The following DHRS4L2 variants were observed in gnomAD, a reference collection of about 807,000 sequenced individuals.
The protein encoded by DHRS4L2 is dehydrogenase/reductase 4 like 2, also known as dehydrogenase/reductase SDR family member 4-like 2.
A neutral mutation model predicts 23.9 loss-of-function variants in DHRS4L2; 22 were observed. That is an observed-to-expected ratio of 0.92 (90% CI 0.66 to 1.31). DHRS4L2 has a LOEUF of 1.31. Among genes scored for constraint, DHRS4L2 ranks in the 40% most tolerant of loss-of-function variants. DHRS4L2 has a pLI of 0.00. For synonymous variants in DHRS4L2, 141 were observed against 123.7 expected, an observed-to-expected ratio of 1.14 and a Z score of -0.93; for missense variants, 385 against 303.3, an observed-to-expected ratio of 1.27 and a Z score of -2.00.
rs148909719 is a variant in DHRS4L2 at position 23,992,735 on chromosome 14, C to T, written c.307-2297C>T. ...GTGCCTCATTCTGTTGCCCAGGCTGCAGTGCAGTGACATGATCATAGCTCA... is the reference window on the plus strand; with the variant it reads ...GTGCCTCATTCTGTTGCCCAGGCTGTAGTGCAGTGACATGATCATAGCTCA... On this transcript the variant is annotated intron_variant, in intron 2 of 7. Transcript: ENST00000335125. 5.6e-3 allele frequency among the ~76,000 whole-genome samples: 847 copies of T among 150,848 alleles called. 20 individuals carry two copies. The highest frequency in any genetic ancestry group is 8.4e-3 in the Non-Finnish European group (571 of 67,776).
At chr14:23,982,964 G>A (rs1382607415) in intron 1 of DHRS4L2, among the ~76,000 whole-genome samples, 2 of 151,510 alleles carry the variant, frequency 1.3e-5, no homozygotes, top group East Asian at 1.9e-4. Context: ...TTCAGGACAC[G>A]GGTATGGGCA....
At chr14:23,983,892 G>A (rs1232139004), upstream of DHRS4L2, among the ~76,000 whole-genome samples, 1 of 151,498 alleles carries the variant, frequency 6.6e-6, no homozygotes, top group African/African-American at 2.4e-5. Context: ...GTTTATAGGG[G>A]GCTGGGGAAG....
In DHRS4L2 at chr14:24,005,968, G is replaced by A. The variant is rs2760086; in HGVS notation, c.*105G>A. 8.7e-6 allele frequency: 14 copies of A among 1,611,234 alleles called. No homozygotes were observed. Among genetic ancestry groups the A allele is most frequent in the African/African-American group, 4.0e-5 (3 of 74,264 alleles). ...CAGCTACATCACTGGGGAAACAGTG[G>A]TGGTGGGTGGAGGAACCCCGTCCCG... On this transcript the variant is annotated 3_prime_UTR_variant, in exon 8 of 8. Coordinates refer to ENST00000335125, the MANE Select transcript of DHRS4L2 (RefSeq NM_198083.4).
intron 3 of DHRS4L2, among the ~76,000 whole-genome samples, chr14:23,996,123 A>G (rs2138548811): frequency 6.6e-6 from 1 of 151,866 alleles, no homozygotes; most frequent in Admixed American, 6.5e-5. Context: ...TAGTTCTGGC[A>G]TGAAATAATA....
Position 23,972,931 on chromosome 14 carries a change from G to C in DHRS4L2, c.-176+2599G>C, listed in dbSNP as rs201271490. ...TTTATGTTTCTCTCCACCCAAACAT[G>C]TCGGTGGAGTAAAGAATAACAAGGC... On this transcript the variant is annotated intron_variant, in intron 1 of 5. Transcript: ENST00000534993. 4.8e-3 allele frequency among the ~76,000 whole-genome samples: 688 copies of C among 142,658 alleles called. 5 individuals carry two copies. Among genetic ancestry groups the C allele is most frequent in the African/African-American group, 7.7e-3 (295 of 38,080 alleles). The allele number at this position is 142,658 out of a possible 152,430, so 93.6% of individuals were successfully genotyped here.
intron 2 of DHRS4L2, among the ~76,000 whole-genome samples, chr14:23,994,674 C>A (rs1005519094): frequency 6.6e-6 from 1 of 151,636 alleles, no homozygotes; most frequent in African/African-American, 2.4e-5. Context: ...GATGACAGAG[C>A]AAGACTCCAT....
chr14:24,005,802 A>G (rs559920637), intron 7 of DHRS4L2, 84 bp from the exon 8 acceptor site: 448 of 1,562,478 alleles, frequency 2.9e-4, no homozygotes, highest in Non-Finnish European at 3.8e-4. Context: ...TTCTTGATTA[A>G]GCAAATTTAA....
In DHRS4L2 at chr14:23,990,426, C is replaced by G. The variant is rs979641087; in HGVS notation, c.306+67C>G. The G allele has an allele frequency of 1.5e-5, 23 of 1,526,266 alleles. No individual in the cohort carries two copies. In the African/African-American group the frequency reaches 2.9e-4, roughly 19 times the overall value. The allele number at this position is 1,526,266 out of a possible 1,614,324, so 94.5% of individuals were successfully genotyped here. A position where few individuals can be genotyped will look rare whatever the true frequency, so the allele number is the denominator to read the frequency against. On this transcript the variant is annotated intron_variant, in intron 2 of 7. Coordinates refer to ENST00000335125, the MANE Select transcript of DHRS4L2 (RefSeq NM_198083.4). ...AGGAAGCCAGCCTGAGCCTCCTTCC[C>G]TGCTTTCCTAGACAGCAGCACATTT...
chr14:23,976,168 G>GC (rs1309880618), intron 1 of DHRS4L2, among the ~76,000 whole-genome samples: 1 of 151,698 alleles, frequency 6.6e-6, no homozygotes, highest in Non-Finnish European at 1.5e-5. Flanking sequence ...GAGTGAAAAG[G>GC]CAACCTACAG....
At chr14:23,995,561 C>T (rs1191518805) in intron 3 of DHRS4L2, among the ~76,000 whole-genome samples, 3 of 151,768 alleles carry the variant, frequency 2.0e-5, no homozygotes, top group African/African-American at 7.2e-5. Context: ...ATTTAAAATA[C>T]TAATTCTGGT....
intron 3 of DHRS4L2, among the ~76,000 whole-genome samples, chr14:23,998,422 C>T (rs575767564): frequency 1.3e-5 from 2 of 151,076 alleles, no homozygotes; most frequent in African/African-American, 4.8e-5. Flanking sequence ...TAAAGCCCTA[C>T]ATGGCATCTT....
Position 24,004,345 on chromosome 14 carries a change from G to T in DHRS4L2, c.674G>T (p.Trp225Leu). The T allele has an allele frequency of 1.9e-6, 3 of 1,603,208 alleles. No homozygotes were observed. Among genetic ancestry groups the T allele is most frequent in the Non-Finnish European group, 2.5e-6 (3 of 1,178,490 alleles). Residue 225 changes from tryptophan (W) to leucine (L), a missense_variant, in exon 7 of 8, where the codon TGG (tryptophan) becomes TTG (leucine). Coordinates refer to ENST00000335125, the MANE Select transcript of DHRS4L2 (RefSeq NM_198083.4). ...SRLASAGCSGWTRKKRKA is the reference protein window; with the variant it reads ...SRLASAGCSGLTRKKRKA ...TTCCCTTCTTCCTACAGCTCTGGAT[G>T]GACAAGGAAAAAGAGGAAAGCATGA... is the stretch of plus-strand genomic sequence containing the variant.
upstream of DHRS4L2, among the ~76,000 whole-genome samples, chr14:23,986,678 C>A (rs1303149444): frequency 6.6e-6 from 1 of 151,432 alleles, no homozygotes; most frequent in Non-Finnish European, 1.5e-5. Flanking sequence ...TTTCCTGGAA[C>A]CCTCAGCCCC....
chr14:23,992,163 A>G (rs2034283901), intron 2 of DHRS4L2, among the ~76,000 whole-genome samples: 1 of 151,688 alleles, frequency 6.6e-6, no homozygotes. Context: ...GGTTATTAGG[A>G]AAGCTAATCT....
At chr14:23,996,144 T>A (rs1223326048) in intron 3 of DHRS4L2, among the ~76,000 whole-genome samples, 1 of 151,652 alleles carries the variant, frequency 6.6e-6, no homozygotes, top group East Asian at 1.9e-4. Context: ...GAGTGAGAAC[T>A]CACTCATTGC....
upstream of DHRS4L2, among the ~76,000 whole-genome samples, chr14:23,986,815 C>CCA (rs1555328629): frequency 3.3e-5 from 5 of 151,462 alleles, no homozygotes; most frequent in African/African-American, 7.3e-5. Flanking sequence ...CCCCCCAGCC[C>CCA]CACACAGATG....
At position 23,995,031 on chromosome 14, in the gene DHRS4L2, G is replaced by C; in HGVS notation, c.307-1G>C. 2 of 1,612,820 alleles carry C rather than the reference G, an allele frequency of 1.2e-6. No individual in the cohort carries two copies. The highest frequency in any genetic ancestry group is 2.2e-5 in the South Asian group (2 of 90,938). On this transcript the variant is annotated splice_acceptor_variant, in intron 2 of 7. Transcript: ENST00000335125. LOFTEE classifies it high-confidence loss of function. ...GGTCCAGACCTTACCCCTCTCTCTA[G>C]GCTGTGAAGCTTCATGGAGGTATCG...
chr14:23,991,161 G>A (rs1413232861), intron 2 of DHRS4L2, among the ~76,000 whole-genome samples: 1 of 151,702 alleles, frequency 6.6e-6, no homozygotes, highest in African/African-American at 2.4e-5. Context: ...CAGATTGGAA[G>A]GTTGGCAGAA....
rs1229718795 is a variant in DHRS4L2, at chr14:23,993,407, A to G, written c.307-1625A>G. Among the ~76,000 whole-genome samples the G allele has an allele frequency of 1.3e-4, 19 of 151,852 alleles. 1 individual carries two copies. The highest frequency in any genetic ancestry group is 6.8e-3 in the Middle Eastern group (2 of 294). On this transcript the variant is annotated intron_variant, in intron 2 of 7. Transcript: ENST00000335125. ...TGAGCTTAGCACCTAGTTAACAAGA[A>G]TAATTAGTTAAAACGGGAAGCTAGC...
Sources: allele counts gnomAD v4.1 joint callset (sites outside exome capture counted in the v4.1 genomes callset), GRCh38; gene constraint gnomAD v4.1.1; transcripts MANE v1.5; gene names NCBI Gene and HGNC (gene_info 2026-07-23, HGNC 2026-07-21).